Variants in RELN observed in about 807,000 individuals in gnomAD.
RELN encodes the protein reelin.
In RELN, 108 loss-of-function variants were observed where a neutral mutation model predicts 427.6. That is an observed-to-expected ratio of 0.25 (90% CI 0.22 to 0.30). RELN has a LOEUF of 0.30. Among genes scored for constraint, RELN ranks in the 10% least tolerant of loss-of-function variants. The pLI is 1.00. For missense variants in RELN, 3,715 were observed against 4,302.8 expected (o/e 0.86, Z 3.82); for synonymous variants, 1,524 against 1,513.4 (o/e 1.01, Z -0.16).
chr7:103,765,372 T>C (rs1013510391), intron 4 of RELN, among the ~76,000 whole-genome samples: 1 of 152,146 alleles, frequency 6.6e-6, no homozygotes, highest in Non-Finnish European at 1.5e-5. Context: ...TTCTTAACAA[T>C]GGGATGGGAG....
intron 2 of RELN, among the ~76,000 whole-genome samples, chr7:103,866,686 T>C (rs1794206072): frequency 6.6e-6 from 1 of 152,144 alleles, no homozygotes; most frequent in Admixed American, 6.6e-5. Flanking sequence ...CCAAGATGTC[T>C]TTATTTTACA....
chr7:103,816,791 T>C (rs1460213539), intron 3 of RELN, among the ~76,000 whole-genome samples: 2 of 152,106 alleles, frequency 1.3e-5, no homozygotes, highest in Non-Finnish European at 2.9e-5. Context: ...CTTCTTGGAA[T>C]AGAACTGATA....
At chr7:103,842,172 C>A (rs1793567431) in intron 2 of RELN, among the ~76,000 whole-genome samples, 1 of 151,808 alleles carries the variant, frequency 6.6e-6, no homozygotes, top group South Asian at 2.1e-4. Flanking sequence ...AAGAATGGCA[C>A]AAATATCTAA....
chr7:103,930,868 A>ATGTGTATG (rs1795847507), intron 1 of RELN, among the ~76,000 whole-genome samples: 1 of 141,902 alleles, frequency 7.0e-6, no homozygotes, highest in African/African-American at 2.6e-5. Flanking sequence ...GTGTGAGCAT[A>ATGTGTATG]TGTGTGTGTG....
rs897289532 is a variant in RELN, at chr7:103,688,767, A to G, written c.1144-6506T>C. ...GACTTGCCTAGTGTCCACTGGGACA[A>G]TGAATTTGGCAAATGCATAAGGTAC... On this transcript the variant is annotated intron_variant, in intron 10 of 64. Transcript: ENST00000428762. Among the ~76,000 whole-genome samples, 31 of 152,268 alleles carry G rather than the reference A, an allele frequency of 2.0e-4. 1 individual carries two copies. The highest frequency in any genetic ancestry group is 7.5e-4 in the African/African-American group (31 of 41,586).
chr7:103,744,662 T>C (rs979676443), intron 6 of RELN, among the ~76,000 whole-genome samples: 1 of 152,212 alleles, frequency 6.6e-6, no homozygotes, highest in Non-Finnish European at 1.5e-5. Context: ...CTAGAAAACC[T>C]AGAAGAAATG....
intron 1 of RELN, among the ~76,000 whole-genome samples, chr7:103,937,047 T>C (rs943643926): frequency 2.6e-5 from 4 of 152,230 alleles, no homozygotes; most frequent in Admixed American, 2.6e-4. Flanking sequence ...ATCTTTTTCA[T>C]CTTTATTTTA....
At chr7:103,830,276 C>T (rs1793244656) in intron 3 of RELN, among the ~76,000 whole-genome samples, 1 of 151,886 alleles carries the variant, frequency 6.6e-6, no homozygotes, top group Admixed American at 6.6e-5. Flanking sequence ...AAAAATATTA[C>T]ACACTGTCCC....
chr7:103,682,207 C>T lies in RELN; in HGVS notation c.1198G>A (p.Glu400Lys), dbSNP rs760337154. Residue 400 changes from glutamate (E) to lysine (K), a missense_variant, in exon 11 of 65, where the codon GAG becomes AAG. By Grantham distance (56) the Glu-to-Lys change is moderately conservative. Transcript: ENST00000428762. ...SIYFHGNEGS[E>K]FNFATTRDVD... ...TCCCTGGTGGTGGCAAAATTGAACT[C>T]GCTGCCTTCATTTCCATGGAAATAA... is the stretch of plus-strand genomic sequence containing the variant. 6 of 1,613,884 alleles carry T rather than the reference C, an allele frequency of 3.7e-6. No homozygotes were observed. Among genetic ancestry groups the T allele is most frequent in the African/African-American group, 2.7e-5 (2 of 74,912 alleles).
intron 1 of RELN, among the ~76,000 whole-genome samples, chr7:103,937,003 A>G (rs988552197): frequency 2.4e-4 from 36 of 152,246 alleles, no homozygotes; most frequent in African/African-American, 7.9e-4. Context: ...CTTCTTCTAA[A>G]ATTTTAGCTC....
chr7:103,726,557 G>T (rs1407608135), intron 7 of RELN, among the ~76,000 whole-genome samples: 1 of 151,974 alleles, frequency 6.6e-6, no homozygotes, highest in Non-Finnish European at 1.5e-5. Context: ...AAACAATCAG[G>T]ACTAAACATA....
chr7:103,548,358 G>A (rs1370888172), intron 41 of RELN, among the ~76,000 whole-genome samples: 2 of 152,174 alleles, frequency 1.3e-5, no homozygotes, highest in Non-Finnish European at 2.9e-5. Context: ...TTAGCATCCA[G>A]CACTTGTGCC....
intron 2 of RELN, among the ~76,000 whole-genome samples, chr7:103,898,111 G>GT (rs1404989679): frequency 2.6e-5 from 4 of 151,856 alleles, no homozygotes; most frequent in Non-Finnish European, 4.4e-5. Context: ...TGGGTGTGTA[G>GT]TTTTCTACAG....
rs758309566 is a variant in RELN at position 103,833,585 on chromosome 7, C to A, written c.425G>T (p.Ser142Ile). The A allele has an allele frequency of 3.7e-6, 6 of 1,614,034 alleles. No individual in the cohort carries two copies. Among genetic ancestry groups the A allele is most frequent in the Non-Finnish European group, 5.1e-6 (6 of 1,179,946 alleles). Residue 142 changes from serine to isoleucine, a missense_variant, in exon 3 of 65, where the codon AGT becomes ATT. Physicochemically the swap from Ser to Ile is moderately radical, Grantham distance 142. Coordinates refer to ENST00000428762, the MANE Select transcript of RELN (RefSeq NM_005045.4). Reference sequence around the variant, plus strand: ...CGCAGGTGGAGCAATCCAGATGAAACTGAGGTTGGTTGTGGGCAGGTGACT... The same window carrying A: ...CGCAGGTGGAGCAATCCAGATGAAAATGAGGTTGGTTGTGGGCAGGTGACT... Reference protein sequence around the residue: ...HVSHLPTTNLSFIWIAPPAGT... With the variant: ...HVSHLPTTNLIFIWIAPPAGT...
chr7:103,486,646 T>C (rs1277200142), intron 60 of RELN, among the ~76,000 whole-genome samples: 1 of 150,976 alleles, frequency 6.6e-6, no homozygotes, highest in Non-Finnish European at 1.5e-5. Flanking sequence ...CCAACAAACA[T>C]ATGAAAAAAA....
intron 27 of RELN, among the ~76,000 whole-genome samples, chr7:103,591,275 G>C (rs577064640): frequency 5.4e-4 from 82 of 152,190 alleles, no homozygotes; most frequent in African/African-American, 1.9e-3. Context: ...TTTTTAGAAG[G>C]AAAATTGAAA....
In RELN at chr7:103,917,148, C is replaced by T. The variant is rs754207594; in HGVS notation, c.264G>A (p.Leu88=). ...ISTSTFFDGL[L]VTGLYTSTSV... is the part of the protein sequence containing the mutation. Reference sequence around the variant, plus strand: ...TTGTAGATGTGTATAGTCCTGTCACCAGCAAGCCGTCAAAAAAGGTGCTTG... The same window carrying T: ...TTGTAGATGTGTATAGTCCTGTCACTAGCAAGCCGTCAAAAAAGGTGCTTG... Residue 88 remains leucine (L), a synonymous_variant, in exon 2 of 65, where the codon CTG becomes CTA. Coordinates refer to ENST00000428762, the MANE Select transcript of RELN (RefSeq NM_005045.4). 14 of 1,613,088 alleles carry T rather than the reference C, an allele frequency of 8.7e-6. No individual in the cohort carries two copies. In the African/African-American group the frequency reaches 1.9e-4, roughly 22 times the overall value.
intron 11 of RELN, among the ~76,000 whole-genome samples, chr7:103,664,758 G>A (rs1240011082): frequency 6.6e-6 from 1 of 152,140 alleles, no homozygotes; most frequent in African/African-American, 2.4e-5. Context: ...TTATTGGCCA[G>A]TTGGGGTCAC....
At chr7:103,656,094 G>T (rs918361351) in intron 12 of RELN, among the ~76,000 whole-genome samples, 3 of 151,882 alleles carry the variant, frequency 2.0e-5, no homozygotes, top group Non-Finnish European at 4.4e-5. Flanking sequence ...CCTCATTAAG[G>T]TCACCTATGA....
Sources: allele counts gnomAD v4.1 joint callset (sites outside exome capture counted in the v4.1 genomes callset), GRCh38; gene constraint gnomAD v4.1.1; transcripts MANE v1.5; gene names NCBI Gene and HGNC (gene_info 2026-07-23, HGNC 2026-07-21).